The following BBS9 variants were observed in gnomAD, a reference collection of about 807,000 sequenced individuals.
BBS9 encodes the protein Bardet-Biedl syndrome 9.
BBS9 carries 89 observed loss-of-function variants against 117.7 expected under a neutral mutation model. The observed-to-expected ratio is 0.76, with a 90% confidence interval of 0.64 to 0.90. BBS9 has a LOEUF of 0.90. BBS9 is among the 40% of genes least tolerant of loss of function. The pLI, the probability that BBS9 is intolerant of heterozygous loss-of-function variation, is 0.00. For synonymous variants in BBS9, 379 were observed against 370.9 expected, an observed-to-expected ratio of 1.02 and a Z score of -0.25; for missense variants, 982 against 1,042.2, an observed-to-expected ratio of 0.94 and a Z score of 0.80.
intron 19 of BBS9, among the ~76,000 whole-genome samples, chr7:33,435,728 A>T (rs1835207602): frequency 6.6e-6 from 1 of 152,242 alleles, no homozygotes. Flanking sequence ...TTCACAAAAT[A>T]GCAGTGCATA....
At chr7:33,298,006 G>A (rs1805617665) in intron 9 of BBS9, among the ~76,000 whole-genome samples, 1 of 152,066 alleles carries the variant, frequency 6.6e-6, no homozygotes, top group Non-Finnish European at 1.5e-5. Flanking sequence ...GATATGCTCA[G>A]TTCTCTTATT....
At chr7:33,528,933 A>C (rs1025857226) in intron 20 of BBS9, among the ~76,000 whole-genome samples, 3 of 152,202 alleles carry the variant, frequency 2.0e-5, no homozygotes, top group Non-Finnish European at 4.4e-5. Context: ...TCTGCTTCTT[A>C]CTGTTTCTAA....
chr7:33,548,771 A>G (rs1853853062), intron 21 of BBS9, among the ~76,000 whole-genome samples: 1 of 151,270 alleles, frequency 6.6e-6, no homozygotes, highest in South Asian at 2.1e-4. Context: ...TCAAGGGAAT[A>G]AAAGAGGATA....
intron 19 of BBS9, among the ~76,000 whole-genome samples, chr7:33,407,507 G>T (rs886573370): frequency 6.6e-6 from 1 of 151,824 alleles, no homozygotes; most frequent in Non-Finnish European, 1.5e-5. Flanking sequence ...GAGGAGAGGC[G>T]CTCTGCTTTT....
chr7:33,138,781 G>T (rs1790989216), intron 1 of BBS9, among the ~76,000 whole-genome samples: 1 of 150,780 alleles, frequency 6.6e-6, no homozygotes, highest in South Asian at 2.1e-4. Context: ...GAAAGATGGG[G>T]TCTTGCTATG....
At chr7:33,471,086 T>C (rs1444275087) in intron 19 of BBS9, among the ~76,000 whole-genome samples, 12 of 152,208 alleles carry the variant, frequency 7.9e-5, no homozygotes, top group Non-Finnish European at 1.5e-4. Flanking sequence ...CACTAAAAAG[T>C]ATGTTTTCCT....
In BBS9 at chr7:33,399,558, A is replaced by G. The variant is rs1410129155; in HGVS notation, c.2115+11414A>G. 2.6e-5 allele frequency among the ~76,000 whole-genome samples: 4 copies of G among 152,090 alleles called. No individual in the cohort carries two copies. In the East Asian group the frequency reaches 7.7e-4, roughly 29 times the overall value. ...AGAACTTGTCTGTGTAGCATCTTGC[A>G]TGGTGCTTATTTTCCAGTAAAATTC... On this transcript the variant is annotated intron_variant, in intron 19 of 22. Coordinates refer to ENST00000242067, the MANE Select transcript of BBS9 (RefSeq NM_198428.3).
At chr7:33,276,940 C>A in intron 9 of BBS9, 1 of 199,504 alleles carries the variant, frequency 5.0e-6, no homozygotes, top group Non-Finnish European at 1.1e-5. Flanking sequence ...GGTGGAAGAG[C>A]CAGGCAGATC....
chr7:33,200,792 G>A (rs1374957989), intron 5 of BBS9, among the ~76,000 whole-genome samples: 5 of 152,058 alleles, frequency 3.3e-5, no homozygotes. Context: ...TTTTCTTATA[G>A]CAGGTTTTCC....
In BBS9 at chr7:33,286,994, G is replaced by GAAGAACT. The variant is rs199894045; in HGVS notation, c.1016+13039_1016+13045dup. 5.4e-4 allele frequency among the ~76,000 whole-genome samples: 82 copies of GAAGAACT among 152,236 alleles called. No homozygotes were observed. In the East Asian group the frequency reaches 0.013, roughly 25 times the overall value. On this transcript the variant is annotated intron_variant, in intron 9 of 22. Transcript: ENST00000242067. ...TTTATGTGCTACTAAGCTCTTTGTA[G>GAAGAACT]AAGAACTTAGAACTTTGGGCTTCAG...
At chr7:33,360,407 T>C (rs948917867) in intron 16 of BBS9, among the ~76,000 whole-genome samples, 13 of 152,024 alleles carry the variant, frequency 8.6e-5, no homozygotes, top group Non-Finnish European at 1.8e-4. Flanking sequence ...TAGAGAATCT[T>C]ATAAGAAAAA....
At chr7:33,372,622 G>T (rs935442844) in intron 17 of BBS9, among the ~76,000 whole-genome samples, 1 of 151,980 alleles carries the variant, frequency 6.6e-6, no homozygotes, top group Non-Finnish European at 1.5e-5. Context: ...TTCTTCTTTT[G>T]TTATGTCCTT....
chr7:33,249,859 G>C (rs779035702), intron 5 of BBS9, among the ~76,000 whole-genome samples: 4 of 152,100 alleles, frequency 2.6e-5, no homozygotes, highest in African/African-American at 9.7e-5. Context: ...AATTGCCTCT[G>C]CATCTTTTTC....
chr7:33,580,024 C>T (rs1859611167), intron 21 of BBS9, among the ~76,000 whole-genome samples: 1 of 152,054 alleles, frequency 6.6e-6, no homozygotes, highest in African/African-American at 2.4e-5. Flanking sequence ...ATAACAATAA[C>T]ATTTGTCGAC....
At chr7:33,365,678 G>C (rs191844838) in intron 16 of BBS9, among the ~76,000 whole-genome samples, 2 of 152,344 alleles carry the variant, frequency 1.3e-5, no homozygotes, top group Admixed American at 1.3e-4. Context: ...CTGAAGCATG[G>C]GTATGTGTAA....
At chr7:33,288,490 G>A (rs1286696373) in intron 9 of BBS9, among the ~76,000 whole-genome samples, 4 of 152,126 alleles carry the variant, frequency 2.6e-5, no homozygotes, top group Non-Finnish European at 4.4e-5. Flanking sequence ...GATGAACTAT[G>A]TTCTATTAAT....
chr7:33,261,910 A>C (rs1417394446), intron 6 of BBS9, among the ~76,000 whole-genome samples: 7 of 152,234 alleles, frequency 4.6e-5, no homozygotes, highest in Non-Finnish European at 1.0e-4. Context: ...CAATCTCGAC[A>C]AGGGAACTTT....
chr7:33,628,179 C>T (rs939086834), intron 21 of BBS9, among the ~76,000 whole-genome samples: 2 of 152,090 alleles, frequency 1.3e-5, no homozygotes, highest in African/African-American at 2.4e-5. Flanking sequence ...CCAGCATCAT[C>T]CTGATACCCA....
At position 33,492,064 on chromosome 7, in the gene BBS9, G is replaced by A. The variant is rs373958793; in HGVS notation, c.2116-13399G>A. On this transcript the variant is annotated intron_variant, in intron 19 of 22. Transcript: ENST00000242067. ...AAAATACAAAAAAAATTAGCTGGGC[G>A]TGGTGGCGAATGCCTATAATCCCAG... 1.3e-4 allele frequency among the ~76,000 whole-genome samples: 19 copies of A among 151,822 alleles called. No homozygotes were observed. In the South Asian group the frequency reaches 1.7e-3, roughly 13 times the overall value.
Sources: allele counts gnomAD v4.1 joint callset (sites outside exome capture counted in the v4.1 genomes callset), GRCh38; gene constraint gnomAD v4.1.1; transcripts MANE v1.5; gene names NCBI Gene and HGNC (gene_info 2026-07-23, HGNC 2026-07-21).